ABCA13: variants seen among roughly 807,000 people sequenced by gnomAD.
ABCA13 encodes the protein ATP binding cassette subfamily A member 13, also known as ATP-binding cassette sub-family A member 13.
Under a neutral mutation model 478.7 loss-of-function variants are expected in ABCA13, and 476 were observed. The observed-to-expected ratio is 0.99, with a 90% CI of 0.92 to 1.07. The LOEUF (loss-of-function observed/expected upper bound fraction) is 1.07, where lower values mean the gene tolerates loss of function less well. ABCA13 is among the 50% of genes least tolerant of loss of function. The pLI is 0.00. For missense variants in ABCA13, 6,060 were observed against 5,910.6 expected (o/e 1.03, Z -0.83); for synonymous variants, 2,252 against 2,158.9 (o/e 1.04, Z -1.20).
At chr7:48,412,235 T>C (rs1343953850) in intron 40 of ABCA13, 118 bp from the exon 41 acceptor site, 4 of 735,986 alleles carry the variant, frequency 5.4e-6, no homozygotes, top group Non-Finnish European at 8.7e-6. Flanking sequence ...TGATATTTCA[T>C]TTAAGCTTTG....
chr7:48,308,067 A>G (rs995451843), intron 23 of ABCA13, among the ~76,000 whole-genome samples: 2 of 152,166 alleles, frequency 1.3e-5, no homozygotes, highest in Non-Finnish European at 2.9e-5. Flanking sequence ...CAGCTGTACA[A>G]TTGTTTTCCT....
chr7:48,589,004 C>G (rs937108955), intron 57 of ABCA13, among the ~76,000 whole-genome samples: 7 of 152,134 alleles, frequency 4.6e-5, no homozygotes, highest in Admixed American at 3.9e-4. Context: ...ATTTATTTTC[C>G]TGTTCAGTGC....
chr7:48,384,763 T>C (rs1042481259), intron 35 of ABCA13, among the ~76,000 whole-genome samples: 2 of 152,192 alleles, frequency 1.3e-5, no homozygotes, highest in Non-Finnish European at 2.9e-5. Flanking sequence ...GAATGTGTTG[T>C]CTCACAATCC....
At chr7:48,174,170 T>G (rs1794532001) in intron 1 of ABCA13, among the ~76,000 whole-genome samples, 1 of 152,250 alleles carries the variant, frequency 6.6e-6, no homozygotes, top group Non-Finnish European at 1.5e-5. Flanking sequence ...GGTGTTGGCA[T>G]GAACTGTGGA....
chr7:48,277,214 T>TGCAATCA (rs1444339095), intron 17 of ABCA13, among the ~76,000 whole-genome samples: 2 of 152,180 alleles, frequency 1.3e-5, no homozygotes, highest in African/African-American at 4.8e-5. Context: ...TAGGGCTGAC[T>TGCAATCA]GTCAGGAAGG....
At chr7:48,288,655 A>C (rs902613325) in intron 20 of ABCA13, among the ~76,000 whole-genome samples, 6 of 151,882 alleles carry the variant, frequency 4.0e-5, no homozygotes, top group African/African-American at 1.4e-4. Flanking sequence ...TTTTTTCTGG[A>C]GAGTTAGTTT....
chr7:48,599,823 G>GT (rs1790697463), intron 58 of ABCA13, among the ~76,000 whole-genome samples: 1 of 152,154 alleles, frequency 6.6e-6, no homozygotes, highest in South Asian at 2.1e-4. Flanking sequence ...ATGGGCTGCA[G>GT]TTTTTTACTC....
chr7:48,521,190 A>G (rs902626860), intron 53 of ABCA13, among the ~76,000 whole-genome samples: 1 of 152,176 alleles, frequency 6.6e-6, no homozygotes. Context: ...TGTAGGGTCC[A>G]CAATGGTTGG....
chr7:48,546,879 T>C (rs1585765842), intron 55 of ABCA13, among the ~76,000 whole-genome samples: 2 of 151,912 alleles, frequency 1.3e-5, no homozygotes, highest in East Asian at 3.9e-4. Flanking sequence ...TTTAGACTAA[T>C]ATGAATCACA....
chr7:48,342,104 A>G (rs1431668984), intron 29 of ABCA13, among the ~76,000 whole-genome samples: 4 of 151,424 alleles, frequency 2.6e-5, no homozygotes, highest in Non-Finnish European at 4.4e-5. Context: ...TTGAAAGACT[A>G]TAGCTTAATT....
At chr7:48,533,188 G>A (rs1257478251) in intron 55 of ABCA13, among the ~76,000 whole-genome samples, 1 of 151,918 alleles carries the variant, frequency 6.6e-6, no homozygotes, top group African/African-American at 2.4e-5. Flanking sequence ...GGTTTTGACA[G>A]GTTGTGTCAC....
chr7:48,383,973 G>C (rs2129047094), intron 35 of ABCA13, among the ~76,000 whole-genome samples: 1 of 152,290 alleles, frequency 6.6e-6, no homozygotes, highest in African/African-American at 2.4e-5. Context: ...AATAATTTCT[G>C]CTTTTTCCCC....
chr7:48,388,888 C>T (rs968534677), intron 36 of ABCA13, among the ~76,000 whole-genome samples, 152 bp from the exon 37 acceptor site: 1 of 152,160 alleles, frequency 6.6e-6, no homozygotes, highest in Non-Finnish European at 1.5e-5. Flanking sequence ...TAGTCTGCTT[C>T]TTGTTCTTGC....
chr7:48,405,300 C>G (rs1384562943), intron 39 of ABCA13, among the ~76,000 whole-genome samples: 2 of 152,198 alleles, frequency 1.3e-5, no homozygotes. Context: ...GCTACAAATG[C>G]CAAGGTGGGG....
At chr7:48,454,671 TGG>T (rs1825443154) in intron 42 of ABCA13, among the ~76,000 whole-genome samples, 3 of 151,964 alleles carry the variant, frequency 2.0e-5, no homozygotes, top group African/African-American at 7.2e-5. Flanking sequence ...ACACATAAGC[TGG>T]GGTTTTCCCA....
At chr7:48,630,469 A>G (rs1357628095) in intron 59 of ABCA13, among the ~76,000 whole-genome samples, 1 of 152,184 alleles carries the variant, frequency 6.6e-6, no homozygotes, top group Non-Finnish European at 1.5e-5. Flanking sequence ...AGCTCCATCC[A>G]TGTTGCTGCA....
chr7:48,520,224 C>A lies in ABCA13; in HGVS notation c.13981C>A (p.Leu4661Met). The change falls in exon 53 of 62, where the codon CTG becomes ATG. Residue 4661 changes from leucine (L) to methionine (M), a missense_variant. By Grantham distance (15) the Leu-to-Met change is conservative. Transcript: ENST00000435803. ...MNFLGWIFVQ[L>M]ASQGTVLLLL... ...CTTTCTGGGCTGGATCTTCGTGCAA[C>A]TGGCCTCGCAGGGCACAGTACTTCT... The A allele has an allele frequency of 6.2e-7, 1 of 1,613,664 alleles. No individual in the cohort carries two copies.
rs1364197741 is a variant in ABCA13, at chr7:48,271,839, C to T, written c.2173C>T (p.Leu725Phe). Residue 725 changes from leucine to phenylalanine, a missense_variant, in exon 17 of 62, where the codon CTT (leucine) becomes TTT (phenylalanine). This residue lies in a region of ABCA13 where 4,423 missense variants were observed against 4,309.1 expected (regional missense o/e 1.03). Transcript: ENST00000435803. ...LLMMEKKLHT[L>F]EDEQMNFLLS... is the part of the protein sequence containing the mutation. ...AATGATGGAAAAGAAGTTGCACACC[C>T]TTGAGGATGAACAAATGAACTTTCT... 1.3e-6 allele frequency: 2 copies of T among 1,577,782 alleles called. No individual in the cohort carries two copies. Among genetic ancestry groups the T allele is most frequent in the African/African-American group, 1.3e-5 (1 of 74,222 alleles).
intron 58 of ABCA13, among the ~76,000 whole-genome samples, chr7:48,600,249 A>G (rs1396911993): frequency 6.6e-6 from 1 of 151,812 alleles, no homozygotes; most frequent in Admixed American, 6.6e-5. Flanking sequence ...TGTCTTTTGG[A>G]TAATGTTTGT....
Sources: allele counts gnomAD v4.1 joint callset (sites outside exome capture counted in the v4.1 genomes callset), GRCh38; gene constraint gnomAD v4.1.1; regional missense constraint gnomAD v4.1.1; transcripts MANE v1.5; gene names NCBI Gene and HGNC (gene_info 2026-07-23, HGNC 2026-07-21).